Variants in SLC22A24 observed in about 807,000 individuals in gnomAD.
SLC22A24 encodes solute carrier family 22 member 24, also known as steroid transmembrane transporter SLC22A24.
SLC22A24 carries 53 observed loss-of-function variants against 49.8 expected under a neutral mutation model. The observed-to-expected ratio is 1.06, with a 90% confidence interval of 0.85 to 1.34. The LOEUF is 1.34. Among genes scored for constraint, SLC22A24 ranks in the 40% most tolerant of loss-of-function variants. The probability of loss-of-function intolerance (pLI) is 0.00; values close to 1 mark genes in which losing one functional copy is unlikely to be tolerated. For missense variants in SLC22A24, 786 were observed against 675.9 expected (o/e 1.16, Z -1.81); for synonymous variants, 302 against 256.4 (o/e 1.18, Z -1.70).
At chr11:63,141,869 T>G (rs374997540) in intron 1 of SLC22A24, among the ~76,000 whole-genome samples, 46 of 152,336 alleles carry the variant, frequency 3.0e-4, no homozygotes, top group South Asian at 1.5e-3. Flanking sequence ...TATCATAATT[T>G]GTTTTTAATA....
chr11:63,081,182 T>C (rs1590725489), intron 8 of SLC22A24, 59 bp from the exon 9 acceptor site: 2 of 1,387,156 alleles, frequency 1.4e-6, no homozygotes, highest in East Asian at 2.5e-5. Context: ...GTCAGCTCTT[T>C]ATCATCATTA....
intron 2 of SLC22A24, among the ~76,000 whole-genome samples, chr11:63,134,104 C>G (rs951444880): frequency 4.6e-5 from 7 of 152,172 alleles, no homozygotes; most frequent in Non-Finnish European, 1.0e-4. Flanking sequence ...GGTGCAATGT[C>G]TTCCTATCCT....
intron 4 of SLC22A24, among the ~76,000 whole-genome samples, chr11:63,109,279 C>T (rs576354210): frequency 4.2e-4 from 62 of 146,416 alleles, no homozygotes; most frequent in Non-Finnish European, 8.0e-4. Context: ...CAAGTCTTTG[C>T]TATCGTGAAT....
chr11:63,111,600 T>G (rs1233663724), intron 4 of SLC22A24, among the ~76,000 whole-genome samples: 8 of 151,598 alleles, frequency 5.3e-5, no homozygotes, highest in African/African-American at 1.9e-4. Flanking sequence ...GTCGAGGAAT[T>G]TATCCATTTC....
At chr11:63,108,932 G>C (rs1294506670) in intron 4 of SLC22A24, among the ~76,000 whole-genome samples, 1 of 144,824 alleles carries the variant, frequency 6.9e-6, no homozygotes, top group Non-Finnish European at 1.5e-5. Context: ...TGCCATGCTG[G>C]TGTGCTGCAC....
At chr11:63,129,510 G>A (rs1336778071) in intron 2 of SLC22A24, among the ~76,000 whole-genome samples, 1 of 152,108 alleles carries the variant, frequency 6.6e-6, no homozygotes, top group African/African-American at 2.4e-5. Context: ...CCAATTCTGT[G>A]AAGAAAGACA....
intron 7 of SLC22A24, among the ~76,000 whole-genome samples, chr11:63,082,743 T>G (rs181990108): frequency 1.3e-5 from 2 of 152,210 alleles, no homozygotes; most frequent in Non-Finnish European, 2.9e-5. Flanking sequence ...TCTAAAAAAG[T>G]GTTGCATTTA....
At position 63,080,985 on chromosome 11, in the gene SLC22A24, A is replaced by G; in HGVS notation, c.1533T>C (p.Val511=). Residue 511 remains valine (V), a synonymous_variant, in exon 9 of 10, where the codon GTT becomes GTC. Transcript: ENST00000612278. ...CCCTGGTTTCTGGAAGGAGGAGGAT[A>G]ACAGGGACAGCAAGGATGGGGAAGA... ...YGVFPILAVP[V]ILLLPETRDL... The G allele has an allele frequency of 6.4e-7, 1 of 1,552,294 alleles. No homozygotes were observed. Among genetic ancestry groups the G allele is most frequent in the Non-Finnish European group, 8.7e-7 (1 of 1,147,376 alleles).
At chr11:63,092,014 G>A (rs1411515048) in intron 6 of SLC22A24, among the ~76,000 whole-genome samples, 1 of 152,078 alleles carries the variant, frequency 6.6e-6, no homozygotes, top group Non-Finnish European at 1.5e-5. Flanking sequence ...CATCATCTTA[G>A]CCCCAAAACT....
chr11:63,118,705 T>C (rs994675766), intron 4 of SLC22A24: 5 of 553,564 alleles, frequency 9.0e-6, no homozygotes, highest in African/African-American at 1.9e-5. Flanking sequence ...TAATTCCATG[T>C]CTAAAATAAT....
chr11:63,126,430 G>T (rs886901674), intron 2 of SLC22A24, among the ~76,000 whole-genome samples: 19 of 152,080 alleles, frequency 1.2e-4, no homozygotes, highest in Admixed American at 1.1e-3. Context: ...TTTCCCCATT[G>T]CTTGTTTTTG....
At chr11:63,099,137 G>A (rs1204505318) in intron 5 of SLC22A24, among the ~76,000 whole-genome samples, 1 of 152,002 alleles carries the variant, frequency 6.6e-6, no homozygotes, top group African/African-American at 2.4e-5. Context: ...TCCCAGCAAA[G>A]TAAGCACAGG....
chr11:63,126,609 T>A (rs537222002), intron 2 of SLC22A24, among the ~76,000 whole-genome samples: 16 of 152,328 alleles, frequency 1.1e-4, no homozygotes, highest in African/African-American at 3.8e-4. Flanking sequence ...TCCAGCTTTA[T>A]TCTTTTTGCT....
intron 5 of SLC22A24, 123 bp downstream of exon 5, chr11:63,104,052 G>T (rs2087106117): frequency 2.2e-6 from 2 of 910,110 alleles, no homozygotes; most frequent in Non-Finnish European, 3.2e-6. Flanking sequence ...TATTTTATCA[G>T]GACAGAGATG....
intron 6 of SLC22A24, among the ~76,000 whole-genome samples, chr11:63,087,200 A>T (rs1018124105): frequency 6.6e-6 from 1 of 152,154 alleles, no homozygotes; most frequent in Non-Finnish European, 1.5e-5. Context: ...ACCCATGCAG[A>T]TGGTGGGTGA....
At chr11:63,104,571 TAAAG>T (rs2087109256) in intron 4 of SLC22A24, among the ~76,000 whole-genome samples, 1 of 152,044 alleles carries the variant, frequency 6.6e-6, no homozygotes, top group Non-Finnish European at 1.5e-5. Flanking sequence ...GGGTAACTTA[TAAAG>T]AAAGAAAGGT....
At chr11:63,132,949 G>A (rs952526370) in intron 2 of SLC22A24, among the ~76,000 whole-genome samples, 1 of 152,312 alleles carries the variant, frequency 6.6e-6, no homozygotes, top group Middle Eastern at 3.4e-3. Context: ...ACGGAGCTAC[G>A]GTGGGCTCTG....
rs1590725249 is a variant in SLC22A24, at chr11:63,080,812, A to C, written c.1598+108T>G. On this transcript the variant is annotated intron_variant, in intron 9 of 9. Transcript: ENST00000612278. ...GACAAATAGAAAAGTCCTAGGTCTGAGCCTACATGAAGGACAGAGGGCCCC... is the reference window on the plus strand; with the variant it reads ...GACAAATAGAAAAGTCCTAGGTCTGCGCCTACATGAAGGACAGAGGGCCCC... 7.7e-6 allele frequency: 7 copies of C among 909,116 alleles called. No homozygotes were observed. The East Asian group carries it at 1.8e-4, about 24-fold the overall frequency. The allele number at this position is 909,116 out of a possible 1,614,324, so 56.3% of individuals were successfully genotyped here.
At chr11:63,109,212 T>C (rs1174882853) in intron 4 of SLC22A24, among the ~76,000 whole-genome samples, 1 of 146,340 alleles carries the variant, frequency 6.8e-6, no homozygotes, top group Non-Finnish European at 1.5e-5. Flanking sequence ...TTCCATGGTG[T>C]ATATGTGCCA....
Sources: allele counts gnomAD v4.1 joint callset (sites outside exome capture counted in the v4.1 genomes callset), GRCh38; gene constraint gnomAD v4.1.1; transcripts MANE v1.5; gene names NCBI Gene and HGNC (gene_info 2026-07-23, HGNC 2026-07-21).